The following SPECC1 variants were observed in gnomAD, a reference collection of about 807,000 sequenced individuals.
SPECC1 encodes cytospin-B.
A neutral mutation model predicts 104.1 loss-of-function variants in SPECC1; 62 were observed. That is an observed-to-expected ratio of 0.60 (90% CI 0.49 to 0.74). The LOEUF (loss-of-function observed/expected upper bound fraction) is 0.74, where lower values mean the gene tolerates loss of function less well. Ranked by LOEUF, SPECC1 falls within the 30% of genes least tolerant of loss-of-function variation. SPECC1 has a pLI of 0.00. For missense variants in SPECC1, 1,306 were observed against 1,310.5 expected, an observed-to-expected ratio of 1.00 and a Z score of 0.05; for synonymous variants, 513 against 501.6, an observed-to-expected ratio of 1.02 and a Z score of -0.30.
intron 1 of SPECC1, among the ~76,000 whole-genome samples, chr17:20,086,224 A>T (rs1229734277): frequency 6.7e-6 from 1 of 149,862 alleles, no homozygotes; most frequent in African/African-American, 2.5e-5. Context: ...CCCAGAAGCC[A>T]TGATGAGTAT....
chr17:20,135,308 C>A (rs1435162412), intron 3 of SPECC1, among the ~76,000 whole-genome samples: 2 of 152,212 alleles, frequency 1.3e-5, no homozygotes, highest in Non-Finnish European at 2.9e-5. Context: ...ACAGTGGAAT[C>A]TTGCTGGGAT....
intron 3 of SPECC1, among the ~76,000 whole-genome samples, chr17:20,191,431 G>A (rs1272972986): frequency 6.6e-6 from 1 of 151,322 alleles, no homozygotes; most frequent in Non-Finnish European, 1.5e-5. Flanking sequence ...GTTGTGTAGT[G>A]ATATCTCACT....
At chr17:20,298,919 A>AGAGAGAGAG (rs2041445038) in intron 13 of SPECC1, among the ~76,000 whole-genome samples, 1 of 66,838 alleles carries the variant, frequency 1.5e-5, no homozygotes, top group South Asian at 7.9e-4. Flanking sequence ...AAGCAGAACC[A>AGAGAGAGAG]AAAGAGAGAG....
At chr17:20,095,206 T>C (rs1463685865) in intron 1 of SPECC1, among the ~76,000 whole-genome samples, 2 of 152,228 alleles carry the variant, frequency 1.3e-5, no homozygotes, top group Non-Finnish European at 2.9e-5. Context: ...TAATCGGTGC[T>C]GAACATCTGT....
At chr17:20,195,030 G>A (rs1269484566) in intron 3 of SPECC1, among the ~76,000 whole-genome samples, 1 of 152,166 alleles carries the variant, frequency 6.6e-6, no homozygotes, top group Admixed American at 6.5e-5. Context: ...TTTATGCAAA[G>A]TTTGAAATAT....
At chr17:20,071,258 C>A (rs1262076881) in intron 1 of SPECC1, among the ~76,000 whole-genome samples, 1 of 152,160 alleles carries the variant, frequency 6.6e-6, no homozygotes, top group Non-Finnish European at 1.5e-5. Context: ...AATCTGAATT[C>A]TTATTTCTGG....
intron 3 of SPECC1, among the ~76,000 whole-genome samples, chr17:20,157,971 C>T (rs950117616): frequency 1.3e-5 from 2 of 152,128 alleles, no homozygotes; most frequent in Non-Finnish European, 2.9e-5. Flanking sequence ...GCTAGAAATT[C>T]GTGGTAAAAA....
intron 3 of SPECC1, chr17:20,156,102 C>A: frequency 7.4e-7 from 1 of 1,356,482 alleles, no homozygotes; most frequent in East Asian, 3.1e-5. Flanking sequence ...ACCCGCCGGA[C>A]GCAACCGCCT....
At chr17:20,096,821 C>A in intron 2 of SPECC1, 23 bp downstream of exon 2, 1 of 1,596,544 alleles carries the variant, frequency 6.3e-7, no homozygotes, top group Non-Finnish European at 8.6e-7. Context: ...ATGCACAGGG[C>A]CAGGCAGAGC....
rs2049071658 is a variant in SPECC1, at chr17:20,122,249, T to G, written c.283+11687T>G. Among the ~76,000 whole-genome samples the G allele has an allele frequency of 2.0e-5, 3 of 152,204 alleles. No homozygotes were observed. In the South Asian group the frequency reaches 6.2e-4, roughly 31 times the overall value. On this transcript the variant is annotated intron_variant, in intron 3 of 14. Transcript: ENST00000395527. ...ACTCTTGACTCCACTGGGGAACTTT[T>G]GCAAGGTTTTGCACAGAGCAGTGAT...
chr17:20,100,181 T>C (rs1449934227), intron 2 of SPECC1, among the ~76,000 whole-genome samples: 1 of 152,184 alleles, frequency 6.6e-6, no homozygotes, highest in Non-Finnish European at 1.5e-5. Flanking sequence ...TCCCGATTCC[T>C]GTCCTCTCCA....
At chr17:20,120,730 T>C (rs1450844494) in intron 3 of SPECC1, among the ~76,000 whole-genome samples, 1 of 152,200 alleles carries the variant, frequency 6.6e-6, no homozygotes, top group Non-Finnish European at 1.5e-5. Flanking sequence ...AAGATTTTTG[T>C]CATGAAATTT....
chr17:20,236,952 A>AAGG, intron 7 of SPECC1: 2 of 1,611,178 alleles, frequency 1.2e-6, no homozygotes, highest in Non-Finnish European at 1.7e-6. Flanking sequence ...CTCTAGATGA[A>AAGG]AGGGGGAATG....
At chr17:20,215,109 C>T (rs1388053377) in intron 4 of SPECC1, among the ~76,000 whole-genome samples, 2 of 152,266 alleles carry the variant, frequency 1.3e-5, no homozygotes, top group African/African-American at 4.8e-5. Flanking sequence ...CCCTTCCAGG[C>T]CAAGAGTCCT....
At chr17:20,063,047 C>A (rs537698477) in intron 1 of SPECC1, among the ~76,000 whole-genome samples, 2 of 152,092 alleles carry the variant, frequency 1.3e-5, no homozygotes, top group African/African-American at 4.8e-5. Flanking sequence ...TGAAGTCACT[C>A]CTTATAATTC....
intron 3 of SPECC1, among the ~76,000 whole-genome samples, chr17:20,113,789 G>A (rs2048614587): frequency 6.6e-6 from 1 of 152,170 alleles, no homozygotes. Context: ...AAGCAATTCT[G>A]TCTATTCACA....
intron 3 of SPECC1, among the ~76,000 whole-genome samples, chr17:20,159,180 A>T (rs147540933): frequency 1.3e-5 from 2 of 152,078 alleles, no homozygotes; most frequent in East Asian, 3.9e-4. Context: ...CCTGACCTCA[A>T]GTGATCTGCC....
chr17:20,109,973 C>T (rs949766587), intron 2 of SPECC1, among the ~76,000 whole-genome samples: 43 of 152,086 alleles, frequency 2.8e-4, no homozygotes, highest in African/African-American at 1.0e-3. Flanking sequence ...ATCCTCTCAC[C>T]TCAGCCTCCT....
intron 1 of SPECC1, among the ~76,000 whole-genome samples, chr17:20,056,897 A>T (rs996711771): frequency 1.3e-5 from 2 of 152,190 alleles, no homozygotes; most frequent in Admixed American, 6.5e-5. Context: ...GATCTTTGAT[A>T]GTATCTATAG....
Sources: allele counts gnomAD v4.1 joint callset (sites outside exome capture counted in the v4.1 genomes callset), GRCh38; gene constraint gnomAD v4.1.1; transcripts MANE v1.5; gene names NCBI Gene and HGNC (gene_info 2026-07-23, HGNC 2026-07-21).